The following WNK2 variants were observed in gnomAD, a reference collection of about 807,000 sequenced individuals.
The protein encoded by WNK2 is serine/threonine-protein kinase WNK2.
WNK2 carries 67 observed loss-of-function variants against 192.1 expected under a neutral mutation model. That is an observed-to-expected ratio of 0.35 (90% CI 0.29 to 0.43). The LOEUF is 0.43. WNK2 is among the 20% of genes least tolerant of loss of function. The pLI is 1.00. For synonymous variants in WNK2, 1,439 were observed against 1,393.9 expected (o/e 1.03, Z -0.72); for missense variants, 2,698 against 3,089.7 (o/e 0.87, Z 3.01).
rs1261025206 is a variant in WNK2, at chr9:93,229,554, A to C, written c.682-142A>C. ...CAGCAGTTGTGGTGCCAGTGTCTGC[A>C]TGCCCTTCTATCATAGCCGCTTAGC... is the stretch of plus-strand genomic sequence containing the variant. On this transcript the variant is annotated intron_variant, in intron 2 of 29. Transcript: ENST00000427277. The surrounding 1 kb of genome is among the most constrained non-coding windows in gnomAD (Gnocchi z 4.9). 2.2e-6 allele frequency: 2 copies of C among 896,220 alleles called. No homozygotes were observed. The highest frequency in any genetic ancestry group is 3.3e-6 in the Non-Finnish European group (2 of 599,230). The allele number at this position is 896,220 out of a possible 1,614,324, so 55.5% of individuals were successfully genotyped here.
chr9:93,206,879 T>C (rs1033713842), intron 2 of WNK2, among the ~76,000 whole-genome samples: 2 of 152,154 alleles, frequency 1.3e-5, no homozygotes, highest in Admixed American at 6.5e-5. Flanking sequence ...CTGGGGTTAC[T>C]GAGGGCTGGA....
intron 7 of WNK2, among the ~76,000 whole-genome samples, chr9:93,244,949 C>T (rs1328838660): frequency 7.2e-5 from 11 of 152,166 alleles, no homozygotes; most frequent in Admixed American, 6.5e-4. Context: ...GGTTTGGGGC[C>T]AGCGGCAACC....
chr9:93,260,813 G>A (rs1844104612), intron 12 of WNK2, among the ~76,000 whole-genome samples: 1 of 152,224 alleles, frequency 6.6e-6, no homozygotes, highest in South Asian at 2.1e-4. Flanking sequence ...GCAGCTCAGA[G>A]CCCGCTGGTT....
At chr9:93,268,971 C>T (rs146706748) in intron 19 of WNK2, 34,062 of 1,547,712 alleles carry the variant, frequency 0.022, 449 homozygotes, top group Non-Finnish European at 0.026. Flanking sequence ...GCCCTGTTAC[C>T]CCACCAAGTA....
rs147646744 is a variant in WNK2, at chr9:93,259,317, C to T, written c.2769C>T (p.Asp923=). 1.4e-3 allele frequency: 2,251 copies of T among 1,613,574 alleles called. 2 individuals carry two copies. Among genetic ancestry groups the T allele is most frequent in the Middle Eastern group, 2.8e-3 (17 of 6,062 alleles). ...CCTTCCCACAGATGGCGCCTACTGACGTCCCTCCTTCCCCCCATCACACGG... is the reference window on the plus strand; with the variant it reads ...CCTTCCCACAGATGGCGCCTACTGATGTCCCTCCTTCCCCCCATCACACGG... ...PAAFPQMAPT[D]VPPSPHHTVQ... Residue 923 remains aspartate, a synonymous_variant, in exon 12 of 30, where the codon GAC becomes GAT. Transcript: ENST00000427277. This position sits in a 1 kb window ranked among gnomAD's most constrained non-coding sequence, Gnocchi z 4.8.
At chr9:93,189,518 T>C (rs1829940331) in intron 2 of WNK2, among the ~76,000 whole-genome samples, 1 of 152,210 alleles carries the variant, frequency 6.6e-6, no homozygotes, top group Non-Finnish European at 1.5e-5. Flanking sequence ...AGGAACGATG[T>C]GTCCTGCCCC....
Position 93,289,534 on chromosome 9 carries a change from C to G in WNK2, c.4780C>G (p.Arg1594Gly), listed in dbSNP as rs376965605. ...GGAGCCCCTGAGAGGGGACCAGCCC[C>G]GCTCAGAGGTCTGCGGGGGGGACCT... The part of the protein sequence containing the change: ...TLEPLRGDQP[R>G]SEVCGGDLAL... The change falls in exon 20 of 30, where the codon CGC becomes GGC. Residue 1594 changes from arginine to glycine, a missense_variant. Coordinates refer to ENST00000427277, the MANE Select transcript of WNK2 (RefSeq NM_006648.4). The G allele has an allele frequency of 4.4e-6, 7 of 1,586,090 alleles. No homozygotes were observed. The highest frequency in any genetic ancestry group is 1.3e-5 in the African/African-American group (1 of 74,336).
Position 93,299,091 on chromosome 9 carries a change from G to C in WNK2, c.5945G>C (p.Arg1982Thr). 1 of 1,610,828 alleles carries C rather than the reference G, an allele frequency of 6.2e-7. No individual in the cohort carries two copies. Among genetic ancestry groups the C allele is most frequent in the Non-Finnish European group, 8.5e-7 (1 of 1,179,526 alleles). ...CCAGGTCACTTGGCTGACTCCAGCA[G>C]AGGCCCTCCCGCTAAGGACCCTGCC... ...SSTGHLADSS[R>T]GPPAKDPAQA... The change falls in exon 25 of 30, where the codon AGA becomes ACA. Residue 1982 changes from arginine (R) to threonine (T), a missense_variant. Physicochemically the swap from Arg to Thr is moderately conservative, Grantham distance 71 (BLOSUM62 -1). This residue lies in a region of WNK2 where 1,098 missense variants were observed against 1,101.0 expected (regional missense o/e 1.00). Transcript: ENST00000427277.
In WNK2 at chr9:93,284,943, A is replaced by G. The variant is rs1848236733; in HGVS notation, c.4034-3845A>G. Among the ~76,000 whole-genome samples the G allele has an allele frequency of 2.6e-5, 4 of 152,350 alleles. No homozygotes were observed. The East Asian group carries it at 7.7e-4, about 29-fold the overall frequency. The stretch of plus-strand genomic sequence containing the variant: ...TTTTCTATTATCTACTCCAATATCA[A>G]CCACTCTGTAAATGGAAATAAATAC... On this transcript the variant is annotated intron_variant, in intron 19 of 29. Transcript: ENST00000427277.
intron 4 of WNK2, among the ~76,000 whole-genome samples, chr9:93,232,674 C>G (rs964658444): frequency 6.6e-6 from 1 of 152,192 alleles, no homozygotes; most frequent in African/African-American, 2.4e-5. Context: ...TCTTTGCCCT[C>G]TTGGAAACGA....
At chr9:93,192,271 CCACTG>C (rs1830462643) in intron 2 of WNK2, among the ~76,000 whole-genome samples, 1 of 151,894 alleles carries the variant, frequency 6.6e-6, no homozygotes, top group Non-Finnish European at 1.5e-5. Flanking sequence ...CGAGATCGCA[CCACTG>C]CACTCCAGCC....
chr9:93,219,031 G>A (rs1836304681), intron 2 of WNK2, among the ~76,000 whole-genome samples: 1 of 152,192 alleles, frequency 6.6e-6, no homozygotes, highest in Non-Finnish European at 1.5e-5. Context: ...GGCTGAGACC[G>A]GGGCCAGGCC....
In WNK2 at chr9:93,294,179, C is replaced by T. The variant is rs142068045; in HGVS notation, c.5708+1006C>T. Reference sequence around the variant, plus strand: ...CCGTGCACATCTCCTTTCTCTCCTGCGAGCCCTCTCTGCACAGCGTATGCA... The same window carrying T: ...CCGTGCACATCTCCTTTCTCTCCTGTGAGCCCTCTCTGCACAGCGTATGCA... On this transcript the variant is annotated intron_variant, in intron 23 of 29. Coordinates refer to ENST00000427277, the MANE Select transcript of WNK2 (RefSeq NM_006648.4). Among the ~76,000 whole-genome samples the T allele has an allele frequency of 2.5e-3, 388 of 152,312 alleles. 2 individuals carry two copies. Among genetic ancestry groups the T allele is most frequent in the African/African-American group, 8.8e-3 (365 of 41,566 alleles).
At chr9:93,236,059 C>T (rs1198855501) in intron 5 of WNK2, among the ~76,000 whole-genome samples, 1 of 152,198 alleles carries the variant, frequency 6.6e-6, no homozygotes, top group East Asian at 1.9e-4. Flanking sequence ...GACAGGTGCA[C>T]AGTTTTCCGT....
chr9:93,304,702 A>T (rs1033284364), intron 26 of WNK2, among the ~76,000 whole-genome samples: 1 of 152,248 alleles, frequency 6.6e-6, no homozygotes, highest in Non-Finnish European at 1.5e-5. Flanking sequence ...GCAGGGCCCA[A>T]TCGAGGCCGA....
intron 4 of WNK2, among the ~76,000 whole-genome samples, chr9:93,234,003 T>C (rs980329026): frequency 6.6e-6 from 1 of 152,116 alleles, no homozygotes; most frequent in Non-Finnish European, 1.5e-5. Context: ...CCCAGACCAA[T>C]ATAAGTAAAA....
chr9:93,193,394 T>A (rs571010399), intron 2 of WNK2, among the ~76,000 whole-genome samples: 26 of 152,306 alleles, frequency 1.7e-4, no homozygotes, highest in Non-Finnish European at 3.5e-4. Flanking sequence ...CAGGTCAACC[T>A]CTTTTCACCC....
chr9:93,307,053 C>T, intron 27 of WNK2: 1 of 589,620 alleles, frequency 1.7e-6, no homozygotes. Flanking sequence ...CTCGCCAGTT[C>T]ACATCTAACG....
intron 7 of WNK2, 42 bp downstream of exon 7, chr9:93,240,018 G>A (rs1840482605): frequency 1.2e-5 from 19 of 1,571,216 alleles, no homozygotes; most frequent in Non-Finnish European, 1.6e-5. Flanking sequence ...GCAGGTGTTG[G>A]CAGCTCGTGG....
Sources: gnomAD v4.1 joint callset for allele counts (sites outside exome capture counted in the v4.1 genomes callset) on GRCh38, gnomAD v4.1.1 for gene constraint, gnomAD v4.1.1 regional missense constraint, Gnocchi (gnomAD v3.1) non-coding constraint, MANE v1.5 for transcripts, NCBI Gene and HGNC (gene_info 2026-07-23, HGNC 2026-07-21) for gene names.